The following PARP16 variants were observed in gnomAD, a reference collection of about 807,000 sequenced individuals.
The protein encoded by PARP16 is protein mono-ADP-ribosyltransferase PARP16.
A neutral mutation model predicts 35.0 loss-of-function variants in PARP16; 31 were observed. The observed-to-expected ratio is 0.88, with a 90% CI of 0.66 to 1.19. The LOEUF is 1.19. Among genes scored for constraint, PARP16 ranks in the 50% most tolerant of loss-of-function variants. The pLI, the probability that PARP16 is intolerant of heterozygous loss-of-function variation, is 0.00. For synonymous variants in PARP16, 162 were observed against 169.5 expected, an observed-to-expected ratio of 0.96 and a Z score of 0.34; for missense variants, 424 against 411.2, an observed-to-expected ratio of 1.03 and a Z score of -0.27.
intron 3 of PARP16, among the ~76,000 whole-genome samples, chr15:65,236,049 G>C (rs1465379149): frequency 6.6e-6 from 1 of 151,848 alleles, no homozygotes; most frequent in African/African-American, 2.4e-5. Flanking sequence ...AGTAGAGACA[G>C]GGTTTCATCA....
chr15:65,242,055 G>C (rs142162580), intron 3 of PARP16, among the ~76,000 whole-genome samples: 132 of 152,286 alleles, frequency 8.7e-4, no homozygotes, highest in Middle Eastern at 3.4e-3. Context: ...TGTATGGTGT[G>C]AAGTAAGGAT....
At chr15:65,251,966 G>A (rs1055680775) in intron 2 of PARP16, among the ~76,000 whole-genome samples, 3 of 151,980 alleles carry the variant, frequency 2.0e-5, no homozygotes, top group African/African-American at 4.8e-5. Flanking sequence ...GGGTTTCACC[G>A]TGTTAGCCAG....
At chr15:65,232,932 T>G (rs549616850), downstream of PARP16, among the ~76,000 whole-genome samples, 1 of 151,850 alleles carries the variant, frequency 6.6e-6, no homozygotes, top group East Asian at 1.9e-4. Flanking sequence ...AAAAAAACAG[T>G]TGAGCATGGT....
chr15:65,265,449 G>C (rs1430243131), intron 3 of PARP16, among the ~76,000 whole-genome samples: 1 of 152,172 alleles, frequency 6.6e-6, no homozygotes, highest in Non-Finnish European at 1.5e-5. Context: ...TGTAGCTCCA[G>C]GGTCTGTCTG....
chr15:65,272,325 A>G (rs1428221419), intron 1 of PARP16, among the ~76,000 whole-genome samples: 1 of 152,230 alleles, frequency 6.6e-6, no homozygotes, highest in Non-Finnish European at 1.5e-5. Context: ...TTCTAAAATC[A>G]GGAAGAATCG....
At chr15:65,274,109 A>C (rs776111109) in intron 1 of PARP16, among the ~76,000 whole-genome samples, 3 of 151,336 alleles carry the variant, frequency 2.0e-5, no homozygotes, top group African/African-American at 7.3e-5. Flanking sequence ...TGCCCAGCTA[A>C]TTTTTTTTAT....
intron 3 of PARP16, among the ~76,000 whole-genome samples, chr15:65,244,116 G>A (rs747746000): frequency 6.6e-6 from 1 of 152,082 alleles, no homozygotes. Context: ...CTCTTTGCAT[G>A]GTCGTTTCTC....
chr15:65,257,571 A>G (rs2089553380), downstream of PARP16, among the ~76,000 whole-genome samples: 2 of 149,344 alleles, frequency 1.3e-5, no homozygotes, highest in Admixed American at 1.3e-4. Context: ...CAGAGGCTGC[A>G]GTGAGCCGAG....
intron 3 of PARP16, among the ~76,000 whole-genome samples, chr15:65,245,869 C>G (rs921364047): frequency 2.6e-5 from 4 of 152,142 alleles, no homozygotes; most frequent in African/African-American, 9.7e-5. Flanking sequence ...CAACCCATTG[C>G]CTGCTCTCTT....
At position 65,240,724 on chromosome 15, in the gene PARP16, T is replaced by C. The variant is rs961242371; in HGVS notation, c.*98-5901A>G. 7.9e-5 allele frequency among the ~76,000 whole-genome samples: 12 copies of C among 152,128 alleles called. No homozygotes were observed. The South Asian group carries it at 2.5e-3, about 31-fold the overall frequency. ...GCTGCTGTAACCATTCATGTATAGG[T>C]CTTTGTATGAGCTTCTGCTGTCGTT... is the stretch of plus-strand genomic sequence containing the variant. On this transcript the variant is annotated intron_variant and NMD_transcript_variant, in intron 3 of 3. Coordinates refer to the PARP16 transcript ENST00000559805.
chr15:65,240,016 G>T (rs549979508), intron 3 of PARP16, among the ~76,000 whole-genome samples: 2 of 134,484 alleles, frequency 1.5e-5, no homozygotes, highest in South Asian at 4.7e-4. Context: ...GGCGTGCAAT[G>T]GCGCGATCAC....
In PARP16 at chr15:65,273,276, C is replaced by CAAAAAAAAAAAAAAA. The variant is rs1233896826; in HGVS notation, c.175-2219_175-2205dup. Among the ~76,000 whole-genome samples the CAAAAAAAAAAAAAAA allele has an allele frequency of 5.8e-3, 335 of 57,460 alleles. 22 individuals carry two copies. Among genetic ancestry groups the CAAAAAAAAAAAAAAA allele is most frequent in the Non-Finnish European group, 9.5e-3 (272 of 28,706 alleles). The allele number at this position is 57,460 out of a possible 152,430, so 37.7% of individuals were successfully genotyped here. A position where few individuals can be genotyped will look rare whatever the true frequency, so the allele number is the denominator to read the frequency against. ...CTGGTGACAGAGAGAGACTCTGTCTCAAAAAAAAAAAAAAAAAAGAATACC... is the reference window on the plus strand; with the variant it reads ...CTGGTGACAGAGAGAGACTCTGTCTCAAAAAAAAAAAAAAAAAAAAAAAAAAAAAAAAAGAATACC... On this transcript the variant is annotated intron_variant, in intron 1 of 5. Coordinates refer to ENST00000649807, the MANE Select transcript of PARP16 (RefSeq NM_001316943.2).
intron 3 of PARP16, among the ~76,000 whole-genome samples, chr15:65,263,736 A>T (rs115216469): frequency 4.7e-4 from 72 of 152,370 alleles, no homozygotes; most frequent in African/African-American, 1.7e-3. Flanking sequence ...GTGAGGATTA[A>T]ATGAGGCAAT....
chr15:65,270,883 C>T, intron 2 of PARP16, 52 bp downstream of exon 2: 1 of 1,590,708 alleles, frequency 6.3e-7, no homozygotes, highest in Non-Finnish European at 8.6e-7. Flanking sequence ...TCAGTGCTGT[C>T]CTAGAGCCCT....
In PARP16 at chr15:65,286,712, G is replaced by T. The variant is rs191111106; in HGVS notation, c.-286C>A. 22 of 375,280 alleles carry T rather than the reference G, an allele frequency of 5.9e-5. No individual in the cohort carries two copies. In the East Asian group the frequency reaches 7.0e-4, roughly 12 times the overall value. The allele number at this position is 375,280 out of a possible 1,614,324, so 23.2% of individuals were successfully genotyped here. A position where few individuals can be genotyped will look rare whatever the true frequency, so the allele number is the denominator to read the frequency against. Reference sequence around the variant, plus strand: ...GGGATAAAGGAACTGGGGCTGGTGGGGGGGAGGGGTTCCCGGCCTAGGGGA... The same window carrying T: ...GGGATAAAGGAACTGGGGCTGGTGGTGGGGAGGGGTTCCCGGCCTAGGGGA... On this transcript the variant is annotated 5_prime_UTR_variant, in exon 1 of 6. Transcript: ENST00000649807.
chr15:65,250,143 A>G (rs1335609208), intron 2 of PARP16, among the ~76,000 whole-genome samples: 1 of 113,856 alleles, frequency 8.8e-6, no homozygotes. Flanking sequence ...TTTGAGACAG[A>G]GTCTCTCTCT....
chr15:65,266,537 C>T (rs1321842736), intron 3 of PARP16, 25 bp downstream of exon 3: 7 of 1,570,842 alleles, frequency 4.5e-6, no homozygotes, highest in Non-Finnish European at 6.1e-6. Context: ...TTCCCCACAT[C>T]AGCAGGGTGT....
chr15:65,233,702 C>G (rs989721897), downstream of PARP16, among the ~76,000 whole-genome samples: 2 of 150,400 alleles, frequency 1.3e-5, no homozygotes, highest in Non-Finnish European at 2.9e-5. Context: ...TGCCACTGCA[C>G]TCCAGCCTGG....
At chr15:65,276,085 C>T (rs528285193) in intron 1 of PARP16, among the ~76,000 whole-genome samples, 3 of 152,278 alleles carry the variant, frequency 2.0e-5, no homozygotes, top group African/African-American at 4.8e-5. Flanking sequence ...CTGCATCTGC[C>T]CAGACAGGGT....
Sources: gnomAD v4.1 joint callset for allele counts (sites outside exome capture counted in the v4.1 genomes callset) on GRCh38, gnomAD v4.1.1 for gene constraint, MANE v1.5 for transcripts, NCBI Gene and HGNC (gene_info 2026-07-23, HGNC 2026-07-21) for gene names.